The following RIMS1 variants were observed in gnomAD, a reference collection of about 807,000 sequenced individuals.
RIMS1 encodes regulating synaptic membrane exocytosis 1.
A neutral mutation model predicts 214.1 loss-of-function variants in RIMS1; 83 were observed. The ratio of observed to expected loss-of-function variants is 0.39; its 90% CI spans 0.32 to 0.47. The LOEUF (loss-of-function observed/expected upper bound fraction) is 0.47, where lower values mean the gene tolerates loss of function less well. Among genes scored for constraint, RIMS1 ranks in the 20% least tolerant of loss-of-function variants. The pLI, the probability that RIMS1 is intolerant of heterozygous loss-of-function variation, is 0.99. For synonymous variants in RIMS1, 793 were observed against 786.8 expected (o/e 1.01, Z -0.13); for missense variants, 2,050 against 2,161.8 (o/e 0.95, Z 1.03).
chr6:72,123,434 A>G (rs1385045571), intron 4 of RIMS1, among the ~76,000 whole-genome samples: 1 of 151,920 alleles, frequency 6.6e-6, no homozygotes, highest in African/African-American at 2.4e-5. Context: ...GGTGCTGAAA[A>G]GAATGTATAT....
intron 2 of RIMS1, among the ~76,000 whole-genome samples, chr6:72,077,416 A>T (rs1052020791): frequency 6.6e-6 from 1 of 152,220 alleles, no homozygotes. Context: ...GGTATGCAGT[A>T]GATGATCAAT....
intron 6 of RIMS1, among the ~76,000 whole-genome samples, chr6:72,232,975 G>A (rs936307163): frequency 1.3e-5 from 2 of 151,612 alleles, no homozygotes; most frequent in Non-Finnish European, 3.0e-5. Context: ...AAATTTTATT[G>A]AGTTAATCTG....
intron 2 of RIMS1, among the ~76,000 whole-genome samples, chr6:72,010,358 C>A (rs1275325548): frequency 6.6e-6 from 1 of 152,128 alleles, no homozygotes; most frequent in African/African-American, 2.4e-5. Flanking sequence ...CTATGACAAA[C>A]CCACAGCCAA....
intron 2 of RIMS1, among the ~76,000 whole-genome samples, chr6:72,013,955 C>T (rs931259958): frequency 6.6e-6 from 1 of 152,174 alleles, no homozygotes. Context: ...TGAACCTAGA[C>T]ATGTCACATA....
At chr6:72,012,221 A>G (rs890545547) in intron 2 of RIMS1, among the ~76,000 whole-genome samples, 1 of 152,200 alleles carries the variant, frequency 6.6e-6, no homozygotes, top group African/African-American at 2.4e-5. Flanking sequence ...TCAGCAAACT[A>G]TCACAAGGAC....
chr6:71,913,897 A>T (rs1777620134), intron 1 of RIMS1, among the ~76,000 whole-genome samples: 1 of 152,126 alleles, frequency 6.6e-6, no homozygotes, highest in Non-Finnish European at 1.5e-5. Context: ...GGTATGGTAG[A>T]AAGTGACCTT....
At chr6:72,278,688 A>G (rs564439823) in intron 23 of RIMS1, among the ~76,000 whole-genome samples, 1 of 152,106 alleles carries the variant, frequency 6.6e-6, no homozygotes. Flanking sequence ...AAGTGTATCC[A>G]TGAACTAAAA....
At chr6:72,024,603 G>A (rs1248196789) in intron 2 of RIMS1, among the ~76,000 whole-genome samples, 1 of 151,870 alleles carries the variant, frequency 6.6e-6, no homozygotes, top group Non-Finnish European at 1.5e-5. Context: ...AGTTTTCAGG[G>A]GTCTGCAGAT....
At chr6:72,121,549 G>T (rs557358938) in intron 4 of RIMS1, among the ~76,000 whole-genome samples, 2 of 151,924 alleles carry the variant, frequency 1.3e-5, no homozygotes, top group East Asian at 3.9e-4. Context: ...AAGGAGATTA[G>T]GGGCTGTGAC....
intron 31 of RIMS1, among the ~76,000 whole-genome samples, chr6:72,393,463 GCCTGTAATC>G (rs2154444144): frequency 6.6e-6 from 1 of 152,250 alleles, no homozygotes; most frequent in Non-Finnish European, 1.5e-5. Context: ...TGTGGCTCAC[GCCTGTAATC>G]CCAGCACTTT....
Position 71,929,889 on chromosome 6 carries a change from G to GA in RIMS1, c.165-39084dup, listed in dbSNP as rs563265338. ...GTGAAATGTCTATTCCAATTGCTGA[G>GA]AAAAAAAAAACCAGAATATTTCAGT... is the stretch of plus-strand genomic sequence containing the variant. On this transcript the variant is annotated intron_variant, in intron 1 of 33. Transcript: ENST00000521978. Among the ~76,000 whole-genome samples the GA allele has an allele frequency of 3.6e-3, 538 of 148,864 alleles. 5 individuals are homozygous for GA. In the South Asian group the frequency reaches 0.039, roughly 11 times the overall value.
intron 29 of RIMS1, among the ~76,000 whole-genome samples, chr6:72,336,300 A>T (rs1447689526): frequency 6.6e-6 from 1 of 151,864 alleles, no homozygotes; most frequent in African/African-American, 2.4e-5. Flanking sequence ...TAAAAACTAT[A>T]CTTGTGGCTC....
In RIMS1 at chr6:71,909,877, A is replaced by G. The variant is rs140937169; in HGVS notation, c.164+22690A>G. 6.3e-4 allele frequency among the ~76,000 whole-genome samples: 96 copies of G among 152,286 alleles called. 1 individual carries two copies. The highest frequency in any genetic ancestry group is 6.8e-3 in the Middle Eastern group (2 of 294). ...CTAAAATTTGCTTGCTGGCACAACA[A>G]TCTGCGTATTGTTGGTGTGATCCTG... On this transcript the variant is annotated intron_variant, in intron 1 of 33. Transcript: ENST00000521978.
At chr6:72,224,242 T>C (rs898831272) in intron 6 of RIMS1, among the ~76,000 whole-genome samples, 1 of 152,198 alleles carries the variant, frequency 6.6e-6, no homozygotes, top group East Asian at 1.9e-4. Flanking sequence ...AATTAATTCG[T>C]AGTTTTGTTT....
At chr6:71,897,343 G>A (rs760339946) in intron 1 of RIMS1, among the ~76,000 whole-genome samples, 47 of 152,080 alleles carry the variant, frequency 3.1e-4, no homozygotes, top group Non-Finnish European at 5.1e-4. Context: ...TCTAAAATTC[G>A]TCTGATCATG....
intron 26 of RIMS1, among the ~76,000 whole-genome samples, chr6:72,295,021 ATAACT>A (rs2093913358): frequency 6.6e-6 from 1 of 151,800 alleles, no homozygotes; most frequent in African/African-American, 2.4e-5. Context: ...AAGGCTGAAG[ATAACT>A]TAATTGGTTG....
In RIMS1 at chr6:72,292,127, T is replaced by C. The variant is rs2093481323; in HGVS notation, c.3850+81T>C. 3.6e-5 allele frequency: 31 copies of C among 865,766 alleles called. 1 individual carries two copies. Among genetic ancestry groups the C allele is most frequent in the Non-Finnish European group, 5.3e-5 (30 of 564,652 alleles). 53.6% of individuals were successfully genotyped at this position (865,766 alleles called of 1,614,324 possible). A position where few individuals can be genotyped will look rare whatever the true frequency, so the allele number is the denominator to read the frequency against. On this transcript the variant is annotated intron_variant, in intron 26 of 33. Coordinates refer to ENST00000521978, the MANE Select transcript of RIMS1 (RefSeq NM_014989.7). The stretch of plus-strand genomic sequence containing the variant: ...ATTTATACCCCTTTTATTAAATGAA[T>C]AGTATTTTGATTATATGTAGTTTGC...
intron 2 of RIMS1, among the ~76,000 whole-genome samples, chr6:72,027,219 A>G (rs1015492774): frequency 5.9e-5 from 9 of 152,248 alleles, no homozygotes; most frequent in Admixed American, 3.9e-4. Flanking sequence ...TCAATCTTAC[A>G]TCGGAAATAG....
intron 2 of RIMS1, among the ~76,000 whole-genome samples, chr6:72,087,926 T>C (rs1835089259): frequency 6.6e-6 from 1 of 152,230 alleles, no homozygotes. Flanking sequence ...TTGTGTAAGC[T>C]GAACCAATTG....
Sources: allele counts gnomAD v4.1 joint callset (sites outside exome capture counted in the v4.1 genomes callset), GRCh38; gene constraint gnomAD v4.1.1; transcripts MANE v1.5; gene names NCBI Gene and HGNC (gene_info 2026-07-23, HGNC 2026-07-21).